The following TTC7B variants were observed in gnomAD, a reference collection of about 807,000 sequenced individuals.
TTC7B encodes the protein tetratricopeptide repeat protein 7B.
A neutral mutation model predicts 106.8 loss-of-function variants in TTC7B; 28 were observed. The ratio of observed to expected loss-of-function variants is 0.26; its 90% CI spans 0.19 to 0.36. The LOEUF is 0.36. Among genes scored for constraint, TTC7B ranks in the 10% least tolerant of loss-of-function variants. The pLI is 1.00. For synonymous variants in TTC7B, 405 were observed against 430.6 expected, an observed-to-expected ratio of 0.94 and a Z score of 0.74; for missense variants, 862 against 1,076.4, an observed-to-expected ratio of 0.80 and a Z score of 2.79.
chr14:90,759,855 G>A lies in TTC7B; in HGVS notation c.446-14933C>T, dbSNP rs1037114520. ...GGGCAAAATGTTAAAGAATGGCCCC[G>A]TCACAGGCACCCCTGTGCAGCAGGC... On this transcript the variant is annotated intron_variant, in intron 3 of 19. Transcript: ENST00000328459. This position sits in a 1 kb window ranked among gnomAD's most constrained non-coding sequence, Gnocchi z 4.1. Among the ~76,000 whole-genome samples the A allele has an allele frequency of 6.6e-5, 10 of 152,260 alleles. No homozygotes were observed. The highest frequency in any genetic ancestry group is 5.8e-4 in the East Asian group (3 of 5,182).
chr14:90,590,725 C>T (rs903853922), intron 18 of TTC7B, among the ~76,000 whole-genome samples: 4 of 152,194 alleles, frequency 2.6e-5, no homozygotes, highest in African/African-American at 9.7e-5. Context: ...AAATTTTCCT[C>T]TTGAAGGACT....
At chr14:90,733,174 A>T (rs1011573643) in intron 4 of TTC7B, among the ~76,000 whole-genome samples, 9 of 152,100 alleles carry the variant, frequency 5.9e-5, no homozygotes, top group African/African-American at 2.2e-4. Flanking sequence ...ACTGTGTCTT[A>T]GGCACCATGT....
At chr14:90,579,472 C>T (rs1055340584) in intron 18 of TTC7B, among the ~76,000 whole-genome samples, 6 of 152,128 alleles carry the variant, frequency 3.9e-5, no homozygotes, top group African/African-American at 1.4e-4. Context: ...CAACAGCACA[C>T]AAAATAGAAA....
chr14:90,784,824 A>G (rs961312397), intron 2 of TTC7B, among the ~76,000 whole-genome samples: 2 of 152,076 alleles, frequency 1.3e-5, no homozygotes, highest in African/African-American at 4.8e-5. Flanking sequence ...TGTTGAGATG[A>G]CGCTCTCCAG....
At chr14:90,542,486 C>A (rs965689911) in intron 19 of TTC7B, among the ~76,000 whole-genome samples, 3 of 152,140 alleles carry the variant, frequency 2.0e-5, no homozygotes, top group Non-Finnish European at 2.9e-5. Flanking sequence ...TGCGTGTACT[C>A]GCTCATCCAA....
chr14:90,652,709 G>C, intron 13 of TTC7B, 132 bp downstream of exon 13: 1 of 926,408 alleles, frequency 1.1e-6, no homozygotes, highest in African/African-American at 1.6e-5. Context: ...CTGTGTGTTC[G>C]GTGCTCAGGA....
chr14:90,738,443 T>C (rs1049691435), intron 4 of TTC7B, among the ~76,000 whole-genome samples: 1 of 152,072 alleles, frequency 6.6e-6, no homozygotes, highest in Non-Finnish European at 1.5e-5. Flanking sequence ...ACCCTGTCTC[T>C]ACTAAAAATA....
At position 90,556,403 on chromosome 14, in the gene TTC7B, G is replaced by C. The variant is rs79031016; in HGVS notation, c.2311-14814C>G. Reference sequence around the variant, plus strand: ...GGCGGTAGCTGTCAGCTCATAGGAGGGGGGAAGCTTGGGTCCTGCTGCTGG... The same window carrying C: ...GGCGGTAGCTGTCAGCTCATAGGAGCGGGGAAGCTTGGGTCCTGCTGCTGG... On this transcript the variant is annotated intron_variant, in intron 19 of 19. Transcript: ENST00000328459. Among the ~76,000 whole-genome samples, 85 of 152,246 alleles carry C rather than the reference G, an allele frequency of 5.6e-4. 1 individual carries two copies. Among genetic ancestry groups the C allele is most frequent in the East Asian group, 2.5e-3 (13 of 5,174 alleles).
Position 90,575,377 on chromosome 14 carries a change from G to A in TTC7B, c.2310+2729C>T, listed in dbSNP as rs1178667569. On this transcript the variant is annotated intron_variant, in intron 19 of 19. Coordinates refer to ENST00000328459, the MANE Select transcript of TTC7B (RefSeq NM_001010854.2). The surrounding 1 kb of genome is among the most constrained non-coding windows in gnomAD (Gnocchi z 5.2). ...AGAGCTGTGATTCTAACCCAGGCCA[G>A]CCTGGCTCCAGGGCCTCCTCCTGGG... Among the ~76,000 whole-genome samples, 1 of 152,226 alleles carries A rather than the reference G, an allele frequency of 6.6e-6. No individual in the cohort carries two copies. The highest frequency in any genetic ancestry group is 1.5e-5 in the Non-Finnish European group (1 of 68,030).
rs923471330 is a variant in TTC7B at position 90,539,990 on chromosome 14, C to T, written c.*1378G>A. 6.6e-6 allele frequency: 1 copy of T among 152,320 alleles called. No homozygotes were observed. Among genetic ancestry groups the T allele is most frequent in the Non-Finnish European group, 1.5e-5 (1 of 68,096 alleles). The allele number at this position is 152,320 out of a possible 1,614,324, so 9.4% of individuals were successfully genotyped here. A position where few individuals can be genotyped will look rare whatever the true frequency, so the allele number is the denominator to read the frequency against. ...AGTGCAGGAGGCTGCTTGGGCAGGA[C>T]TGAATTGCATGCTCCAATTCCAAAG... is the stretch of plus-strand genomic sequence containing the variant. On this transcript the variant is annotated 3_prime_UTR_variant, in exon 20 of 20. Transcript: ENST00000328459.
chr14:90,752,928 C>T (rs1421670760), intron 3 of TTC7B, among the ~76,000 whole-genome samples: 4 of 152,204 alleles, frequency 2.6e-5, no homozygotes, highest in Non-Finnish European at 4.4e-5. Context: ...CTTTAGGGTG[C>T]TGATTTTCTT....
intron 16 of TTC7B, among the ~76,000 whole-genome samples, chr14:90,614,968 A>G (rs1298380113): frequency 6.6e-6 from 1 of 152,208 alleles, no homozygotes; most frequent in African/African-American, 2.4e-5. Context: ...GTGACAGAAG[A>G]CAAAGCATGA....
intron 1 of TTC7B, among the ~76,000 whole-genome samples, chr14:90,811,742 C>T (rs1001344617): frequency 5.9e-5 from 9 of 152,206 alleles, no homozygotes; most frequent in South Asian, 2.1e-4. Flanking sequence ...TTATAGGATC[C>T]GACAGGCAAT....
Position 90,805,284 on chromosome 14 carries a change from C to T in TTC7B, c.121+10891G>A, listed in dbSNP as rs1449390145. 1.3e-5 allele frequency among the ~76,000 whole-genome samples: 2 copies of T among 152,156 alleles called. No homozygotes were observed. The highest frequency in any genetic ancestry group is 2.9e-5 in the Non-Finnish European group (2 of 68,018). On this transcript the variant is annotated intron_variant, in intron 1 of 19. Transcript: ENST00000328459. The surrounding 1 kb of genome is among the most constrained non-coding windows in gnomAD (Gnocchi z 4.0). Reference sequence around the variant, plus strand: ...TCCTCAAGGGCAGAGGCCAAGGTGTCTTGTTCTGTCACCCAGGGTAGTGTG... The same window carrying T: ...TCCTCAAGGGCAGAGGCCAAGGTGTTTTGTTCTGTCACCCAGGGTAGTGTG...
At chr14:90,748,808 C>T (rs1193869398) in intron 3 of TTC7B, among the ~76,000 whole-genome samples, 1 of 152,104 alleles carries the variant, frequency 6.6e-6, no homozygotes, top group Non-Finnish European at 1.5e-5. Flanking sequence ...ACATTTAGAT[C>T]ATAAGGAAAA....
chr14:90,643,031 T>G (rs1040260514), intron 15 of TTC7B, among the ~76,000 whole-genome samples: 12 of 152,200 alleles, frequency 7.9e-5, no homozygotes, highest in Non-Finnish European at 1.8e-4. Flanking sequence ...CTTAATATTT[T>G]TCTTTAAATT....
intron 3 of TTC7B, among the ~76,000 whole-genome samples, chr14:90,771,382 G>A (rs1890858065): frequency 1.3e-5 from 2 of 152,114 alleles, no homozygotes; most frequent in Non-Finnish European, 2.9e-5. Flanking sequence ...GCTCGCTTAA[G>A]CCCAGGAGTT....
In TTC7B at chr14:90,608,632, C is replaced by T. The variant is rs914820531; in HGVS notation, c.1966+2110G>A. On this transcript the variant is annotated intron_variant, in intron 17 of 19. Transcript: ENST00000328459. This position sits in a 1 kb window ranked among gnomAD's most constrained non-coding sequence, Gnocchi z 5.1. Reference sequence around the variant, plus strand: ...AGGAGGAAGACCCGGGGGCCAGGCCCAACCCAGGGCAGTGACACCGCAGAC... The same window carrying T: ...AGGAGGAAGACCCGGGGGCCAGGCCTAACCCAGGGCAGTGACACCGCAGAC... 6.6e-6 allele frequency among the ~76,000 whole-genome samples: 1 copy of T among 152,092 alleles called. No homozygotes were observed. The highest frequency in any genetic ancestry group is 1.5e-5 in the Non-Finnish European group (1 of 68,016).
intron 3 of TTC7B, among the ~76,000 whole-genome samples, chr14:90,767,978 A>C (rs1468375253): frequency 2.0e-5 from 3 of 152,244 alleles, no homozygotes; most frequent in African/African-American, 7.2e-5. Flanking sequence ...ACAAACTCCA[A>C]ATAAAAGGAA....
Sources: gnomAD v4.1 joint callset for allele counts (sites outside exome capture counted in the v4.1 genomes callset) on GRCh38, gnomAD v4.1.1 for gene constraint, Gnocchi (gnomAD v3.1) non-coding constraint, MANE v1.5 for transcripts, NCBI Gene and HGNC (gene_info 2026-07-23, HGNC 2026-07-21) for gene names.